Variants in GPC4 observed in about 807,000 individuals in gnomAD.
GPC4 encodes glypican 4.
In GPC4, 10 loss-of-function variants were observed where a neutral mutation model predicts 35.0. That is an observed-to-expected ratio of 0.29 (90% CI 0.18 to 0.48). The LOEUF is 0.48. Among genes scored for constraint, GPC4 ranks in the 20% least tolerant of loss-of-function variants. The pLI is 0.99. For synonymous variants in GPC4, 167 were observed against 170.2 expected, an observed-to-expected ratio of 0.98 and a Z score of 0.15; for missense variants, 322 against 451.3, an observed-to-expected ratio of 0.71 and a Z score of 2.60.
chrX:133,363,757 A>G (rs1184127473), intron 1 of GPC4, among the ~76,000 whole-genome samples: 1 of 111,387 alleles, frequency 9.0e-6, no homozygotes, highest in Non-Finnish European at 1.9e-5. Flanking sequence ...CTGTGCAACC[A>G]TCACCACTAT....
intron 3 of GPC4, among the ~76,000 whole-genome samples, chrX:133,320,492 C>A (rs1263383507): frequency 9.2e-6 from 1 of 108,987 alleles, no homozygotes; most frequent in East Asian, 2.9e-4. Context: ...CGGGTATGGG[C>A]GCATGCCTGT....
chrX:133,330,223 A>T (rs1415410098), intron 2 of GPC4, among the ~76,000 whole-genome samples: 1 of 111,382 alleles, frequency 9.0e-6, no homozygotes, highest in Non-Finnish European at 1.9e-5. Context: ...GCTGTATTTC[A>T]TACCCCTGGT....
rs986239889 is a variant in GPC4 at position 133,300,589 on chromosome X, C to G, written c.*2278G>C. ...ATTTGTTTATTTCATAGTTGAAGTT[C>G]AAAAGCAAGAGACAATTTAAATAAT... is the stretch of plus-strand genomic sequence containing the variant. On this transcript the variant is annotated 3_prime_UTR_variant, in exon 9 of 9. Transcript: ENST00000370828. 8 of 111,031 alleles carry G rather than the reference C, an allele frequency of 7.2e-5. No individual in the cohort carries two copies. The highest frequency in any genetic ancestry group is 3.8e-4 in the Admixed American group (4 of 10,398). 9.2% of individuals were successfully genotyped at this position (111,031 alleles called of 1,213,427 possible).
chrX:133,377,889 C>CT lies in GPC4; in HGVS notation c.160+36916dup, dbSNP rs774106053. Among the ~76,000 whole-genome samples the CT allele has an allele frequency of 4.6e-3, 337 of 72,703 alleles. 3 individuals carry two copies. The highest frequency in any genetic ancestry group is 7.4e-3 in the African/African-American group (136 of 18,464). 63.1% of individuals were successfully genotyped at this position (72,703 alleles called of 115,157 possible). ...TACTTTTCTTTTTCTTTTTTTTTTTCTTTTTTTTTTTTTTTTTGCTTTTGA... is the reference window on the plus strand; with the variant it reads ...TACTTTTCTTTTTCTTTTTTTTTTTCTTTTTTTTTTTTTTTTTTGCTTTTGA... On this transcript the variant is annotated intron_variant, in intron 1 of 8. Transcript: ENST00000370828.
chrX:133,414,660 G>C, intron 1 of GPC4, 146 bp downstream of exon 1: 1 of 1,105,308 alleles, frequency 9.0e-7, no homozygotes. Flanking sequence ...TCTCTCGCTC[G>C]CTCGCTCCTG....
At chrX:133,329,375 T>A (rs1030271181) in intron 2 of GPC4, among the ~76,000 whole-genome samples, 13 of 112,336 alleles carry the variant, frequency 1.2e-4, no homozygotes, top group African/African-American at 2.9e-4. Context: ...CTGGTTTTTA[T>A]CTTTCCTAGT....
intron 1 of GPC4, among the ~76,000 whole-genome samples, chrX:133,389,588 G>T (rs925140085): frequency 9.0e-6 from 1 of 111,483 alleles, no homozygotes; most frequent in Non-Finnish European, 1.9e-5. Flanking sequence ...GCCTGCGGGC[G>T]AGACGAGAAG....
chrX:133,339,435 C>T, intron 1 of GPC4, 94 bp from the exon 2 acceptor site: 3 of 813,699 alleles, frequency 3.7e-6, no homozygotes, highest in South Asian at 2.9e-5. Context: ...ACCTGTGAGG[C>T]TCCTGCAAAG....
chrX:133,391,516 AT>A (rs1345720152), intron 1 of GPC4, among the ~76,000 whole-genome samples: 1 of 112,184 alleles, frequency 8.9e-6, no homozygotes, highest in Non-Finnish European at 1.9e-5. Flanking sequence ...CTGCTGGTTA[AT>A]TTTGTAAATC....
chrX:133,347,370 A>C (rs1270246535), intron 1 of GPC4, among the ~76,000 whole-genome samples: 2 of 106,573 alleles, frequency 1.9e-5, no homozygotes, highest in Non-Finnish European at 3.8e-5. Context: ...AAAAATATAA[A>C]TACTTGATGT....
intron 1 of GPC4, among the ~76,000 whole-genome samples, chrX:133,341,363 C>A (rs2068466011): frequency 8.9e-6 from 1 of 111,750 alleles, no homozygotes; most frequent in African/African-American, 3.3e-5. Context: ...TTGGAATGCT[C>A]AGAATGAGAA....
intron 1 of GPC4, chrX:133,414,599 A>AG (rs1603103932): frequency 8.0e-6 from 6 of 753,871 alleles, no homozygotes; most frequent in African/African-American, 2.3e-5. Flanking sequence ...AGTGCTGGGA[A>AG]GGGGGGAGCG....
intron 1 of GPC4, among the ~76,000 whole-genome samples, chrX:133,344,711 TAAAG>T (rs1021902938): frequency 2.7e-5 from 3 of 111,238 alleles, no homozygotes; most frequent in Non-Finnish European, 5.7e-5. Flanking sequence ...CTGCGGGAAA[TAAAG>T]AAAATCTCTA....
At chrX:133,374,727 T>C (rs749275940) in intron 1 of GPC4, among the ~76,000 whole-genome samples, 1 of 112,201 alleles carries the variant, frequency 8.9e-6, no homozygotes, top group East Asian at 2.8e-4. Flanking sequence ...GAGCTCCTCA[T>C]AGCAGGGCTA....
At chrX:133,409,320 TAAAAAAAAAAAAA>T (rs36008423) in intron 1 of GPC4, among the ~76,000 whole-genome samples, 440 of 31,842 alleles carry the variant, frequency 0.014, 12 homozygotes, top group South Asian at 0.039. Context: ...GACCCTGCCT[TAAAAAAAAAAAAA>T]AAAAAAAAAA....
intron 1 of GPC4, among the ~76,000 whole-genome samples, chrX:133,371,642 G>A (rs2068612410): frequency 9.0e-6 from 1 of 110,783 alleles, no homozygotes; most frequent in East Asian, 2.8e-4. Flanking sequence ...GTCCTTAATG[G>A]GTATAGCATT....
chrX:133,361,396 G>T (rs2068567154), intron 1 of GPC4, among the ~76,000 whole-genome samples: 1 of 111,616 alleles, frequency 9.0e-6, no homozygotes, highest in Admixed American at 9.6e-5. Flanking sequence ...TAGAAGAAAA[G>T]AGCTAAGTAA....
At chrX:133,312,708 GAAAC>G (rs3831666) in intron 3 of GPC4, among the ~76,000 whole-genome samples, 10 of 106,615 alleles carry the variant, frequency 9.4e-5, no homozygotes, top group Non-Finnish European at 1.9e-4. Flanking sequence ...GAAGAAAGGA[GAAAC>G]AAACAAACAG....
At chrX:133,354,239 T>C (rs1319727497) in intron 1 of GPC4, among the ~76,000 whole-genome samples, 1 of 112,080 alleles carries the variant, frequency 8.9e-6, no homozygotes, top group Non-Finnish European at 1.9e-5. Context: ...AAATAAACCT[T>C]CTCCTTTCAG....
Sources: allele counts gnomAD v4.1 joint callset (sites outside exome capture counted in the v4.1 genomes callset), GRCh38; gene constraint gnomAD v4.1.1; transcripts MANE v1.5; gene names NCBI Gene and HGNC (gene_info 2026-07-23, HGNC 2026-07-21).